SPIN2A: variants seen among roughly 807,000 people sequenced by gnomAD.
SPIN2A encodes the protein spindlin-2A.
A neutral mutation model predicts 9.2 loss-of-function variants in SPIN2A; 4 were observed. That is an observed-to-expected ratio of 0.44 (90% CI 0.21 to 1.00). The LOEUF (loss-of-function observed/expected upper bound fraction) is 1.00. SPIN2A is among the 50% of genes least tolerant of loss of function. The pLI, the probability that SPIN2A is intolerant of heterozygous loss-of-function variation, is 0.26. For synonymous variants in SPIN2A, 25 were observed against 61.2 expected (o/e 0.41, Z 2.76); for missense variants, 77 against 172.8 (o/e 0.45, Z 3.11).
the SPIN2A span, among the ~76,000 whole-genome samples, chrX:57,146,025 T>G: frequency 3.6e-5 from 4 of 110,338 alleles, no homozygotes; most frequent in African/African-American, 6.6e-5. Context: ...CTTTTTTTGC[T>G]TAGTCCTCCT....
upstream of SPIN2A, among the ~76,000 whole-genome samples, chrX:57,141,229 A>G (rs1264026023): frequency 8.9e-6 from 1 of 112,112 alleles, no homozygotes; most frequent in Middle Eastern, 4.2e-3. Context: ...TTTATGTGAT[A>G]TATCACGTTT....
In SPIN2A at chrX:57,137,298, G is replaced by C; in HGVS notation, c.-44C>G. ...CTGCTGTGAGCCTGTGGCGAAGGAGGGTCAACAGGCGACTCGCTGAGTGAC... is the reference window on the plus strand; with the variant it reads ...CTGCTGTGAGCCTGTGGCGAAGGAGCGTCAACAGGCGACTCGCTGAGTGAC... On this transcript the variant is annotated 5_prime_UTR_variant, in exon 1 of 2. Coordinates refer to ENST00000374906, the MANE Select transcript of SPIN2A (RefSeq NM_019003.5). 1 of 759,819 alleles carries C rather than the reference G, an allele frequency of 1.3e-6. No individual in the cohort carries two copies. Among genetic ancestry groups the C allele is most frequent in the Non-Finnish European group, 1.6e-6 (1 of 642,058 alleles). 62.6% of individuals were successfully genotyped at this position (759,819 alleles called of 1,213,427 possible).
At chrX:57,139,751 T>G (rs943084253), upstream of SPIN2A, among the ~76,000 whole-genome samples, 29 of 111,741 alleles carry the variant, frequency 2.6e-4, no homozygotes, top group Admixed American at 2.5e-3. Flanking sequence ...ACCACGCCTG[T>G]CCCCATAGGT....
the SPIN2A span, among the ~76,000 whole-genome samples, chrX:57,144,291 C>T: frequency 9.0e-6 from 1 of 110,914 alleles, no homozygotes; most frequent in Non-Finnish European, 1.9e-5. Context: ...TTGCAGTCAT[C>T]TTACTTAGTT....
chrX:57,140,114 C>T (rs890484898), upstream of SPIN2A, among the ~76,000 whole-genome samples: 3 of 111,068 alleles, frequency 2.7e-5, no homozygotes, highest in Non-Finnish European at 5.7e-5. Flanking sequence ...ATTTTGTAGT[C>T]ATTGTAAAAG....
the SPIN2A span, among the ~76,000 whole-genome samples, chrX:57,145,866 G>C: frequency 1.4e-4 from 16 of 111,599 alleles, no homozygotes; most frequent in Non-Finnish European, 2.5e-4. Flanking sequence ...TCAGTTGGCT[G>C]TAGGCATTTA....
At chrX:57,142,720 G>A in the SPIN2A span, among the ~76,000 whole-genome samples, 1 of 111,612 alleles carries the variant, frequency 9.0e-6, no homozygotes, top group South Asian at 3.7e-4. Flanking sequence ...GTCCACACTT[G>A]TTATCGTTTT....
upstream of SPIN2A, among the ~76,000 whole-genome samples, chrX:57,139,853 C>T (rs773224112): frequency 9.0e-6 from 1 of 111,425 alleles, no homozygotes; most frequent in Non-Finnish European, 1.9e-5. Context: ...TTCTGTAGCT[C>T]CATATGAATT....
At chrX:57,135,443 C>G (rs922208720), downstream of SPIN2A, 7 of 197,097 alleles carry the variant, frequency 3.6e-5, no homozygotes, top group African/African-American at 1.9e-4. Flanking sequence ...ACCTCCTCCT[C>G]TCTCCCCAAG....
At chrX:57,135,464 T>C (rs1927662950), downstream of SPIN2A, 3 of 233,589 alleles carry the variant, frequency 1.3e-5, no homozygotes, top group African/African-American at 3.1e-5. Context: ...ACAGCCAATC[T>C]CTTGTTCCTT....
At chrX:57,140,456 G>A (rs982390272), upstream of SPIN2A, among the ~76,000 whole-genome samples, 78 of 104,633 alleles carry the variant, frequency 7.5e-4, no homozygotes, top group Non-Finnish European at 9.9e-4. Context: ...TTAACCTGGC[G>A]TGGTGGCAGG....
At chrX:57,143,454 G>A in the SPIN2A span, among the ~76,000 whole-genome samples, 1 of 109,832 alleles carries the variant, frequency 9.1e-6, no homozygotes, top group East Asian at 2.8e-4. Context: ...TTTTTATATT[G>A]TCTGTCTCTT....
At position 57,135,940 on chromosome X, in the gene SPIN2A, C is replaced by T. The variant is rs1378328871; in HGVS notation, c.658G>A (p.Asp220Asn). The T allele has an allele frequency of 2.5e-6, 3 of 1,210,156 alleles. No homozygotes were observed. In the South Asian group the frequency reaches 5.3e-5, roughly 21 times the overall value. ...IGKHVEYTKE[D>N]GSKRIGMVIH... Reference sequence around the variant, plus strand: ...ACCATGCCGATCCTTTTGGAGCCATCTTCTTTGGTATATTCCACATGCTTA... The same window carrying T: ...ACCATGCCGATCCTTTTGGAGCCATTTTCTTTGGTATATTCCACATGCTTA... Residue 220 changes from aspartate (D) to asparagine (N), a missense_variant, in exon 2 of 2, where the codon GAT (aspartate) becomes AAT (asparagine). By Grantham distance (23) the Asp-to-Asn change is conservative. Coordinates refer to ENST00000374906, the MANE Select transcript of SPIN2A (RefSeq NM_019003.5).
the SPIN2A span, among the ~76,000 whole-genome samples, chrX:57,146,743 A>G: frequency 8.9e-6 from 1 of 111,979 alleles, no homozygotes; most frequent in Non-Finnish European, 1.9e-5. Context: ...TGTCTCTTCT[A>G]TGCTGATTTT....
At chrX:57,141,598 G>A (rs141518358), upstream of SPIN2A, among the ~76,000 whole-genome samples, 372 of 111,074 alleles carry the variant, frequency 3.3e-3, 2 homozygotes, top group African/African-American at 0.012. Context: ...TATTACCATT[G>A]CTATCTCATT....
rs1417616257 is a variant in SPIN2A, at chrX:57,137,373, G to A, written c.-119C>T. ...GATCCATAGATGAGGAGCGTGTGTA[G>A]GAGCGCGGCGAGACAGGCAAAGAGC... On this transcript the variant is annotated 5_prime_UTR_variant, in exon 1 of 2. Coordinates refer to ENST00000374906, the MANE Select transcript of SPIN2A (RefSeq NM_019003.5). The A allele has an allele frequency of 1.3e-6, 1 of 753,071 alleles. No individual in the cohort carries two copies. The highest frequency in any genetic ancestry group is 2.3e-5 in the African/African-American group (1 of 43,374). The allele number at this position is 753,071 out of a possible 1,213,427, so 62.1% of individuals were successfully genotyped here.
In SPIN2A at chrX:57,135,805, A is replaced by C. The variant is rs762280116; in HGVS notation, c.*16T>G. ...TACATTTGTTTCCACACATGTGCCA[A>C]ATTTTACCCTAACAGTTAGGACTTT... is the stretch of plus-strand genomic sequence containing the variant. On this transcript the variant is annotated 3_prime_UTR_variant, in exon 2 of 2. Transcript: ENST00000374906. 12 of 1,154,316 alleles carry C rather than the reference A, an allele frequency of 1.0e-5. No homozygotes were observed. Among genetic ancestry groups the C allele is most frequent in the Middle Eastern group, 4.9e-4 (2 of 4,099 alleles).
chrX:57,144,437 T>G, the SPIN2A span, among the ~76,000 whole-genome samples: 480 of 109,835 alleles, frequency 4.4e-3, 3 homozygotes, highest in African/African-American at 0.015. Context: ...GTAAAGCAAG[T>G]AACTCTGTGG....
chrX:57,146,848 T>C, the SPIN2A span, among the ~76,000 whole-genome samples: 1 of 112,119 alleles, frequency 8.9e-6, no homozygotes, highest in East Asian at 2.8e-4. Context: ...TTTAATTCTG[T>C]TTATGGGGTG....
Sources: gnomAD v4.1 joint callset for allele counts (sites outside exome capture counted in the v4.1 genomes callset) on GRCh38, gnomAD v4.1.1 for gene constraint, MANE v1.5 for transcripts, NCBI Gene and HGNC (gene_info 2026-07-23, HGNC 2026-07-21) for gene names.